The following BCAS1 variants were observed in gnomAD, a reference collection of about 807,000 sequenced individuals.
The protein encoded by BCAS1 is breast carcinoma-amplified sequence 1.
In BCAS1, 46 loss-of-function variants were observed where a neutral mutation model predicts 65.4. The ratio of observed to expected loss-of-function variants is 0.70; its 90% CI spans 0.55 to 0.90. The LOEUF is 0.90. Ranked by LOEUF, BCAS1 falls within the 40% of genes least tolerant of loss-of-function variation. The probability of loss-of-function intolerance (pLI) is 0.00; values close to 1 mark genes in which losing one functional copy is unlikely to be tolerated. For missense variants in BCAS1, 793 were observed against 771.2 expected (o/e 1.03, Z -0.33); for synonymous variants, 298 against 293.5 (o/e 1.02, Z -0.16).
intron 4 of BCAS1, among the ~76,000 whole-genome samples, chr20:54,011,263 A>G (rs1422592098): frequency 6.6e-6 from 1 of 152,192 alleles, no homozygotes; most frequent in Admixed American, 6.5e-5. Context: ...TTTGCCCTGT[A>G]AAAGATCCTG....
chr20:54,062,820 A>G (rs1020536641), intron 1 of BCAS1, among the ~76,000 whole-genome samples: 3 of 152,188 alleles, frequency 2.0e-5, no homozygotes, highest in African/African-American at 7.2e-5. Flanking sequence ...GGATTCAGAT[A>G]TTGTCACTCT....
chr20:54,038,391 T>C (rs1272644883), intron 3 of BCAS1, among the ~76,000 whole-genome samples: 3 of 151,274 alleles, frequency 2.0e-5, no homozygotes, highest in Non-Finnish European at 4.4e-5. Flanking sequence ...AAGCCCCAAG[T>C]GGACCCGGAC....
Position 54,035,364 on chromosome 20 carries a change from G to A in BCAS1, c.143-6392C>T, listed in dbSNP as rs1303470284. Among the ~76,000 whole-genome samples the A allele has an allele frequency of 2.2e-5, 3 of 137,724 alleles. 1 individual carries two copies. The highest frequency in any genetic ancestry group is 4.6e-5 in the Non-Finnish European group (3 of 64,862). The allele number at this position is 137,724 out of a possible 152,430, so 90.4% of individuals were successfully genotyped here. ...TGCACTGAGCCGAGACCACATCACT[G>A]CACTCCAGCCTGGGCGACAGAGTGA... On this transcript the variant is annotated intron_variant, in intron 3 of 12. Transcript: ENST00000688948.
chr20:54,037,425 A>G (rs1015254362), intron 3 of BCAS1, among the ~76,000 whole-genome samples: 1 of 151,364 alleles, frequency 6.6e-6, no homozygotes, highest in South Asian at 2.1e-4. Flanking sequence ...GATTATGGGG[A>G]TTAAATTCCA....
chr20:54,059,554 G>A (rs915515916), intron 1 of BCAS1, among the ~76,000 whole-genome samples: 2 of 150,040 alleles, frequency 1.3e-5, no homozygotes, highest in African/African-American at 4.9e-5. Flanking sequence ...ATATATTCAT[G>A]CTTTCACTGA....
At chr20:54,056,166 C>T (rs2092293713) in intron 3 of BCAS1, among the ~76,000 whole-genome samples, 1 of 152,112 alleles carries the variant, frequency 6.6e-6, no homozygotes, top group Non-Finnish European at 1.5e-5. Context: ...TAAGGGTCCT[C>T]ACCACACCCT....
intron 3 of BCAS1, among the ~76,000 whole-genome samples, chr20:54,055,281 T>C (rs1271600021): frequency 6.6e-6 from 1 of 152,218 alleles, no homozygotes; most frequent in Non-Finnish European, 1.5e-5. Context: ...TAGTCTGTTT[T>C]TCACACTGCT....
At chr20:54,018,643 C>T (rs1021936151) in intron 4 of BCAS1, among the ~76,000 whole-genome samples, 2 of 151,442 alleles carry the variant, frequency 1.3e-5, no homozygotes, top group African/African-American at 4.9e-5. Context: ...GCCTCCCACC[C>T]CTTTTATATA....
chr20:54,058,963 C>T (rs1438879865), intron 1 of BCAS1, among the ~76,000 whole-genome samples: 2 of 152,130 alleles, frequency 1.3e-5, no homozygotes, highest in Admixed American at 6.5e-5. Context: ...GGGGAGACCG[C>T]AGGAAACTTA....
intron 3 of BCAS1, among the ~76,000 whole-genome samples, chr20:54,038,206 T>C (rs1190771917): frequency 6.6e-6 from 1 of 151,426 alleles, no homozygotes. Flanking sequence ...GATCTTCCTA[T>C]GGTTACCTTC....
At chr20:53,946,717 TGTATA>T (rs11469755) in intron 12 of BCAS1, among the ~76,000 whole-genome samples, 12,593 of 150,990 alleles carry the variant, frequency 0.083, 693 homozygotes, top group African/African-American at 0.16. Flanking sequence ...TTTAGTCCAC[TGTATA>T]GTATAGTAAA....
intron 8 of BCAS1, among the ~76,000 whole-genome samples, chr20:53,982,369 A>T (rs2090505098): frequency 6.6e-6 from 1 of 152,194 alleles, no homozygotes; most frequent in Non-Finnish European, 1.5e-5. Context: ...GTACAACATA[A>T]TTTGAAATTG....
chr20:54,016,931 C>T (rs1361714991), intron 4 of BCAS1, among the ~76,000 whole-genome samples: 1 of 152,172 alleles, frequency 6.6e-6, no homozygotes, highest in African/African-American at 2.4e-5. Context: ...ACATCACTAC[C>T]TGTTTTACTA....
At chr20:54,005,203 C>G (rs551515587) in intron 4 of BCAS1, among the ~76,000 whole-genome samples, 1 of 152,186 alleles carries the variant, frequency 6.6e-6, no homozygotes, top group South Asian at 2.1e-4. Flanking sequence ...CATCTGTAAT[C>G]CCAGCAATTT....
intron 11 of BCAS1, 97 bp from the exon 12 acceptor site, chr20:53,953,792 G>A: frequency 7.3e-7 from 1 of 1,377,086 alleles, no homozygotes; most frequent in East Asian, 2.4e-5. Flanking sequence ...TTCAAATGTT[G>A]GGTGGTATCT....
chr20:54,003,917 G>C (rs200849979), intron 4 of BCAS1, among the ~76,000 whole-genome samples: 1 of 152,190 alleles, frequency 6.6e-6, no homozygotes, highest in East Asian at 1.9e-4. Context: ...GGATCCAAGC[G>C]GTTAAGCTGG....
chr20:53,985,191 C>T, intron 8 of BCAS1, 96 bp downstream of exon 8: 2 of 1,189,380 alleles, frequency 1.7e-6, no homozygotes, highest in East Asian at 2.3e-5. Context: ...GAAACACCTT[C>T]CATACATTGT....
chr20:54,051,633 A>T (rs1450708963), intron 3 of BCAS1, among the ~76,000 whole-genome samples: 1 of 152,190 alleles, frequency 6.6e-6, no homozygotes, highest in Non-Finnish European at 1.5e-5. Context: ...CCCTTCTAAC[A>T]TAGCAAATGA....
chr20:54,019,866 C>T (rs898730424), intron 4 of BCAS1, among the ~76,000 whole-genome samples: 11 of 152,216 alleles, frequency 7.2e-5, no homozygotes, highest in Non-Finnish European at 1.3e-4. Flanking sequence ...CTGACGGCTG[C>T]ACTGTCGGCC....
Sources: allele counts gnomAD v4.1 joint callset (sites outside exome capture counted in the v4.1 genomes callset), GRCh38; gene constraint gnomAD v4.1.1; transcripts MANE v1.5; gene names NCBI Gene and HGNC (gene_info 2026-07-23, HGNC 2026-07-21).